The following BCAR3 variants were observed in gnomAD, a reference collection of about 807,000 sequenced individuals.
BCAR3 encodes the protein breast cancer anti-estrogen resistance protein 3.
BCAR3 carries 37 observed loss-of-function variants against 80.1 expected under a neutral mutation model. That is an observed-to-expected ratio of 0.46 (90% CI 0.36 to 0.61). BCAR3 has a LOEUF of 0.61. Ranked by LOEUF, BCAR3 falls within the 20% of genes least tolerant of loss-of-function variation. BCAR3 has a pLI of 0.00. For synonymous variants in BCAR3, 389 were observed against 418.9 expected, an observed-to-expected ratio of 0.93 and a Z score of 0.87; for missense variants, 978 against 1,068.2, an observed-to-expected ratio of 0.92 and a Z score of 1.18.
chr1:93,572,510 A>G (rs771871675), intron 8 of BCAR3, among the ~76,000 whole-genome samples: 1 of 152,212 alleles, frequency 6.6e-6, no homozygotes, highest in Non-Finnish European at 1.5e-5. Context: ...CCCTTTTCTC[A>G]TCCTAAACTA....
At position 93,567,232 on chromosome 1, in the gene BCAR3, A is replaced by C. The variant is rs755621304; in HGVS notation, c.2299+47T>G. 3.8e-6 allele frequency: 6 copies of C among 1,589,922 alleles called. No homozygotes were observed. The East Asian group carries it at 1.3e-4, about 36-fold the overall frequency. ...CCATGCTCTTCCATTCCTTCATTTC[A>C]ATTACGATACAGTGTTAGAGAACAG... On this transcript the variant is annotated intron_variant, in intron 11 of 11. Transcript: ENST00000260502.
chr1:93,614,166 T>C, intron 3 of BCAR3: 1 of 1,298,200 alleles, frequency 7.7e-7, no homozygotes, highest in Non-Finnish European at 9.8e-7. Flanking sequence ...GTGTCCAGCC[T>C]GCCATGCACA....
intron 2 of BCAR3, among the ~76,000 whole-genome samples, chr1:93,843,260 G>A (rs928319446): frequency 6.6e-5 from 10 of 152,180 alleles, no homozygotes; most frequent in Non-Finnish European, 1.0e-4. Context: ...GAGTAGGAGT[G>A]GGGTAGGGAG....
At chr1:93,825,120 AT>A (rs1475708088) in intron 2 of BCAR3, among the ~76,000 whole-genome samples, 1 of 134,014 alleles carries the variant, frequency 7.5e-6, no homozygotes, top group Admixed American at 7.8e-5. Flanking sequence ...TTACCTCCAC[AT>A]CCAAGGTCAA....
intron 2 of BCAR3, among the ~76,000 whole-genome samples, chr1:93,708,623 C>T (rs1361774002): frequency 1.3e-5 from 2 of 152,162 alleles, no homozygotes; most frequent in African/African-American, 4.8e-5. Flanking sequence ...CTGAATAAAA[C>T]TTTGGGCTCA....
intron 2 of BCAR3, among the ~76,000 whole-genome samples, chr1:93,732,435 C>G (rs1247776542): frequency 6.6e-6 from 1 of 151,984 alleles, no homozygotes; most frequent in Non-Finnish European, 1.5e-5. Context: ...GCCAACATGG[C>G]AAAACCCTGT....
chr1:93,839,384 T>C (rs1267517919), intron 2 of BCAR3, among the ~76,000 whole-genome samples: 2 of 152,182 alleles, frequency 1.3e-5, no homozygotes, highest in East Asian at 1.9e-4. Flanking sequence ...AAGATCTCAA[T>C]TGGGACAAGG....
At chr1:93,721,543 GGC>G (rs1369816609) in intron 2 of BCAR3, among the ~76,000 whole-genome samples, 1 of 152,174 alleles carries the variant, frequency 6.6e-6, no homozygotes, top group African/African-American at 2.4e-5. Context: ...AGGCCCCAGT[GGC>G]CAGGAGACCT....
intron 2 of BCAR3, among the ~76,000 whole-genome samples, chr1:93,673,306 C>A (rs1648308945): frequency 6.6e-6 from 1 of 152,150 alleles, no homozygotes; most frequent in Non-Finnish European, 1.5e-5. Flanking sequence ...ATATTTCCAC[C>A]ACCCTATAAA....
At chr1:93,569,375 G>T (rs1673111405) in intron 9 of BCAR3, among the ~76,000 whole-genome samples, 1 of 152,212 alleles carries the variant, frequency 6.6e-6, no homozygotes, top group Non-Finnish European at 1.5e-5. Flanking sequence ...AAGGTGAGTA[G>T]GCTCAGCACC....
At chr1:93,817,790 A>AC (rs923228670) in intron 2 of BCAR3, among the ~76,000 whole-genome samples, 19 of 149,984 alleles carry the variant, frequency 1.3e-4, no homozygotes, top group East Asian at 2.0e-4. Context: ...AGCCCTGTTT[A>AC]CCCCCCCACA....
At position 93,611,597 on chromosome 1, in the gene BCAR3, G is replaced by A. The variant is rs1674950126; in HGVS notation, c.358-19204C>T. 2.6e-5 allele frequency among the ~76,000 whole-genome samples: 4 copies of A among 152,304 alleles called. No individual in the cohort carries two copies. The South Asian group carries it at 8.3e-4, about 32-fold the overall frequency. On this transcript the variant is annotated intron_variant, in intron 3 of 11. Transcript: ENST00000260502. ...TTTGGCCCCAACTCTATGAGGGCCA[G>A]CACATCCCTGATCCTTCTCTCCATT...
At chr1:93,782,656 G>T (rs1375682285) in intron 2 of BCAR3, among the ~76,000 whole-genome samples, 1 of 152,148 alleles carries the variant, frequency 6.6e-6, no homozygotes, top group East Asian at 1.9e-4. Context: ...GCACCTCTGG[G>T]GTCAGCAAGA....
chr1:93,577,158 CA>C (rs1368778307), intron 7 of BCAR3, among the ~76,000 whole-genome samples: 1 of 151,958 alleles, frequency 6.6e-6, no homozygotes, highest in African/African-American at 2.4e-5. Flanking sequence ...TCTCTAAAAA[CA>C]AAAGAAAAAT....
At chr1:93,810,585 A>G (rs1653808081) in intron 2 of BCAR3, among the ~76,000 whole-genome samples, 1 of 152,178 alleles carries the variant, frequency 6.6e-6, no homozygotes, top group Admixed American at 6.5e-5. Flanking sequence ...TTCTCCATGC[A>G]TGCCAAGGCC....
chr1:93,765,077 C>A (rs1652101550), intron 2 of BCAR3, among the ~76,000 whole-genome samples: 1 of 152,158 alleles, frequency 6.6e-6, no homozygotes, highest in South Asian at 2.1e-4. Context: ...GGGGGCTACT[C>A]CTAGGGGAGG....
At chr1:93,637,974 G>A (rs1375468616) in intron 3 of BCAR3, among the ~76,000 whole-genome samples, 1 of 152,216 alleles carries the variant, frequency 6.6e-6, no homozygotes, top group Non-Finnish European at 1.5e-5. Flanking sequence ...GTGGGCTGGG[G>A]CGCGGTGGCT....
intron 2 of BCAR3, among the ~76,000 whole-genome samples, chr1:93,794,495 T>G (rs929911203): frequency 4.5e-5 from 2 of 43,974 alleles, no homozygotes; most frequent in African/African-American, 3.3e-4. Flanking sequence ...TTTTTTTGTT[T>G]TCCATTGGCT....
chr1:93,613,926 G>T, intron 3 of BCAR3: 1 of 1,550,436 alleles, frequency 6.4e-7, no homozygotes, highest in Non-Finnish European at 8.7e-7. Context: ...GCATTCCTTA[G>T]GCATCTTTCG....
Sources: allele counts gnomAD v4.1 joint callset (sites outside exome capture counted in the v4.1 genomes callset), GRCh38; gene constraint gnomAD v4.1.1; transcripts MANE v1.5; gene names NCBI Gene and HGNC (gene_info 2026-07-23, HGNC 2026-07-21).